The following ANGPT1 variants were observed in gnomAD, a reference collection of about 807,000 sequenced individuals.
The protein encoded by ANGPT1 is angiopoietin-1.
In ANGPT1, 17 loss-of-function variants were observed where a neutral mutation model predicts 62.2. The ratio of observed to expected loss-of-function variants is 0.27; its 90% confidence interval spans 0.19 to 0.41. The LOEUF (loss-of-function observed/expected upper bound fraction) is 0.41. ANGPT1 is among the 10% of genes least tolerant of loss of function. The probability of loss-of-function intolerance (pLI) is 1.00; values close to 1 mark genes in which losing one functional copy is unlikely to be tolerated. For missense variants in ANGPT1, 478 were observed against 594.9 expected, an observed-to-expected ratio of 0.80 and a Z score of 2.04; for synonymous variants, 199 against 198.9, an observed-to-expected ratio of 1.00 and a Z score of 0.00.
rs10655133 is a variant in ANGPT1, at chr8:107,268,406, T to TTGTGTGTGTGTG, written c.1206-4067_1206-4056dup. 1.8e-3 allele frequency among the ~76,000 whole-genome samples: 256 copies of TTGTGTGTGTGTG among 144,642 alleles called. 2 individuals are homozygous for TTGTGTGTGTGTG. The highest frequency in any genetic ancestry group is 5.8e-3 in the African/African-American group (229 of 39,518). The allele number at this position is 144,642 out of a possible 152,430, so 94.9% of individuals were successfully genotyped here. Reference sequence around the variant, plus strand: ...ATAATTAAAAAATACACATGTAGGGTTGTGTGTGTGTGTGTGTGTGTGTGT... The same window carrying TTGTGTGTGTGTG: ...ATAATTAAAAAATACACATGTAGGGTTGTGTGTGTGTGTGTGTGTGTGTGTGTGTGTGTGTGT... On this transcript the variant is annotated intron_variant, in intron 7 of 8. Transcript: ENST00000517746.
At chr8:107,342,150 T>G (rs1254881970) in intron 2 of ANGPT1, among the ~76,000 whole-genome samples, 1 of 152,232 alleles carries the variant, frequency 6.6e-6, no homozygotes, top group Non-Finnish European at 1.5e-5. Flanking sequence ...ACTGCTTCTG[T>G]TCAAAGTCCT....
intron 2 of ANGPT1, among the ~76,000 whole-genome samples, chr8:107,337,638 A>G (rs138725037): frequency 7.2e-5 from 11 of 152,182 alleles, no homozygotes; most frequent in Non-Finnish European, 1.5e-4. Context: ...TAACTACCAC[A>G]TCTTTCCTAA....
intron 5 of ANGPT1, among the ~76,000 whole-genome samples, chr8:107,301,424 T>C (rs2129972929): frequency 6.6e-6 from 1 of 151,916 alleles, no homozygotes; most frequent in African/African-American, 2.4e-5. Context: ...ACATACTTCA[T>C]CTGCTGTGTG....
intron 1 of ANGPT1, among the ~76,000 whole-genome samples, chr8:107,449,990 A>G (rs1163862386): frequency 1.3e-5 from 2 of 152,084 alleles, no homozygotes; most frequent in African/African-American, 4.8e-5. Context: ...TTCTGGTTTT[A>G]AGAGTGAATT....
chr8:107,284,487 T>C, intron 7 of ANGPT1, 195 bp downstream of exon 7: 1 of 385,732 alleles, frequency 2.6e-6, no homozygotes, highest in Non-Finnish European at 4.4e-6. Context: ...ATAGTCAACC[T>C]ACGAAAACTG....
intron 1 of ANGPT1, among the ~76,000 whole-genome samples, chr8:107,471,864 C>A (rs1454283555): frequency 6.6e-6 from 1 of 152,062 alleles, no homozygotes; most frequent in African/African-American, 2.4e-5. Flanking sequence ...GAGCAGCAAA[C>A]ATAGGATTTG....
intron 7 of ANGPT1, among the ~76,000 whole-genome samples, chr8:107,273,915 G>T (rs1813798963): frequency 6.8e-6 from 1 of 147,520 alleles, no homozygotes. Flanking sequence ...AAAAGTCCTT[G>T]GCTTCATCAT....
intron 6 of ANGPT1, among the ~76,000 whole-genome samples, chr8:107,292,207 A>G (rs1814295254): frequency 6.6e-6 from 1 of 152,118 alleles, no homozygotes; most frequent in African/African-American, 2.4e-5. Flanking sequence ...GTTTATGCCT[A>G]ATTCTTTTTT....
chr8:107,297,252 C>T (rs1252070769), intron 5 of ANGPT1, among the ~76,000 whole-genome samples: 1 of 151,980 alleles, frequency 6.6e-6, no homozygotes, highest in Non-Finnish European at 1.5e-5. Context: ...TCAATGATAA[C>T]AGCTGCTCTT....
At chr8:107,343,065 G>A (rs1009954131) in intron 2 of ANGPT1, among the ~76,000 whole-genome samples, 10 of 150,574 alleles carry the variant, frequency 6.6e-5, no homozygotes, top group Non-Finnish European at 1.5e-4. Flanking sequence ...AAACTCCTGG[G>A]CTCAAGTCAT....
intron 7 of ANGPT1, among the ~76,000 whole-genome samples, chr8:107,268,344 C>T (rs895850240): frequency 6.6e-6 from 1 of 151,756 alleles, no homozygotes; most frequent in South Asian, 2.1e-4. Context: ...CTCAACATAC[C>T]TACCTGGGTA....
intron 1 of ANGPT1, among the ~76,000 whole-genome samples, chr8:107,448,438 G>C (rs571161324): frequency 6.6e-6 from 1 of 152,022 alleles, no homozygotes; most frequent in Non-Finnish European, 1.5e-5. Context: ...TTGAAATACA[G>C]AAAGCTGACT....
chr8:107,331,557 T>G lies in ANGPT1; in HGVS notation c.575+4593A>C, dbSNP rs942219083. ...GCAGAGAATCACCATGAACTTGAAC[T>G]CTAATTTTGCCATATCCTTAGCTGT... On this transcript the variant is annotated intron_variant, in intron 3 of 8. Coordinates refer to ENST00000517746, the MANE Select transcript of ANGPT1 (RefSeq NM_001146.5). Among the ~76,000 whole-genome samples, 29 of 152,324 alleles carry G rather than the reference T, an allele frequency of 1.9e-4. No homozygotes were observed. The Middle Eastern group carries it at 0.01, about 54-fold the overall frequency.
In ANGPT1 at chr8:107,497,566, C is replaced by T. The variant is rs1439938433; in HGVS notation, c.-8G>A. ...GGAAAGGAAAACTGTCATTGTACTG[C>T]CAGCACACTCCTTCCGTGCCTCTCG... On this transcript the variant is annotated 5_prime_UTR_variant, in exon 1 of 9. Transcript: ENST00000517746. 3 of 1,610,262 alleles carry T rather than the reference C, an allele frequency of 1.9e-6. No individual in the cohort carries two copies. The highest frequency in any genetic ancestry group is 2.5e-6 in the Non-Finnish European group (3 of 1,177,616).
At chr8:107,301,926 A>G (rs899590984) in intron 5 of ANGPT1, among the ~76,000 whole-genome samples, 2 of 151,966 alleles carry the variant, frequency 1.3e-5, no homozygotes, top group African/African-American at 2.4e-5. Context: ...TGGGTTGCCA[A>G]TTAAGTGGCA....
intron 1 of ANGPT1, among the ~76,000 whole-genome samples, chr8:107,400,014 A>C (rs1016338446): frequency 6.6e-6 from 1 of 152,180 alleles, no homozygotes; most frequent in Non-Finnish European, 1.5e-5. Flanking sequence ...AGCCACATGC[A>C]CACCATCAAA....
chr8:107,298,675 C>T (rs915225438), intron 5 of ANGPT1, among the ~76,000 whole-genome samples: 1 of 151,752 alleles, frequency 6.6e-6, no homozygotes, highest in Non-Finnish European at 1.5e-5. Flanking sequence ...GAAAAAATTA[C>T]TGTACTACAA....
At position 107,325,823 on chromosome 8, in the gene ANGPT1, C is replaced by T. The variant is rs894875772; in HGVS notation, c.576-3695G>A. On this transcript the variant is annotated intron_variant, in intron 3 of 8. Transcript: ENST00000517746. ...TATTCCTTGTTCAAGCGGACATATG[C>T]GCAGAGATAGCTGCTATCTGAGATG... Among the ~76,000 whole-genome samples, 10 of 151,824 alleles carry T rather than the reference C, an allele frequency of 6.6e-5. No homozygotes were observed. The East Asian group carries it at 7.7e-4, about 12-fold the overall frequency.
At chr8:107,377,658 C>A (rs1451348793) in intron 1 of ANGPT1, among the ~76,000 whole-genome samples, 1 of 152,184 alleles carries the variant, frequency 6.6e-6, no homozygotes, top group Non-Finnish European at 1.5e-5. Flanking sequence ...CAGAGCCTAC[C>A]TTGTGATGTA....
Sources: allele counts gnomAD v4.1 joint callset (sites outside exome capture counted in the v4.1 genomes callset), GRCh38; gene constraint gnomAD v4.1.1; transcripts MANE v1.5; gene names NCBI Gene and HGNC (gene_info 2026-07-23, HGNC 2026-07-21).